Variants in ARHGAP8 observed in about 807,000 individuals in gnomAD.
The protein encoded by ARHGAP8 is rho GTPase-activating protein 8.
In ARHGAP8, 62 loss-of-function variants were observed where a neutral mutation model predicts 46.1. The observed-to-expected ratio is 1.34, with a 90% CI of 1.10 to 1.66. The LOEUF (loss-of-function observed/expected upper bound fraction) is 1.66, where lower values mean the gene tolerates loss of function less well. Among genes scored for constraint, ARHGAP8 ranks in the 40% most tolerant of loss-of-function variants. The pLI, the probability that ARHGAP8 is intolerant of heterozygous loss-of-function variation, is 0.00. For missense variants in ARHGAP8, 923 were observed against 568.4 expected (o/e 1.62, Z -6.34); for synonymous variants, 375 against 243.1 (o/e 1.54, Z -5.05).
intron 7 of ARHGAP8, among the ~76,000 whole-genome samples, chr22:44,843,604 G>A (rs959500536): frequency 3.3e-5 from 5 of 152,128 alleles, no homozygotes; most frequent in Admixed American, 6.6e-5. Flanking sequence ...CAAGGCAGGT[G>A]GATTGCTTGA....
intron 10 of ARHGAP8, among the ~76,000 whole-genome samples, chr22:44,859,304 T>C: frequency 6.6e-6 from 1 of 152,126 alleles, no homozygotes; most frequent in Non-Finnish European, 1.5e-5. Flanking sequence ...GGTGCTGTCC[T>C]CGAGATAGTG....
chr22:44,817,371 T>C (rs552008415), intron 5 of ARHGAP8, among the ~76,000 whole-genome samples: 1 of 152,356 alleles, frequency 6.6e-6, no homozygotes, highest in Admixed American at 6.5e-5. Flanking sequence ...TCTCACCTAC[T>C]GGCCTATGCC....
chr22:44,793,425 T>C (rs541051467), intron 2 of ARHGAP8, among the ~76,000 whole-genome samples: 1 of 152,274 alleles, frequency 6.6e-6, no homozygotes, highest in Non-Finnish European at 1.5e-5. Flanking sequence ...GTTCGGATCT[T>C]TTGGCACACA....
chr22:44,808,328 C>G lies in ARHGAP8; in HGVS notation c.189C>G (p.Asp63Glu), dbSNP rs1221603195. The change falls in exon 4 of 12, where the codon GAC becomes GAG. Residue 63 changes from aspartate to glutamate, a missense_variant. Coordinates refer to ENST00000356099, the MANE Select transcript of ARHGAP8 (RefSeq NM_181335.3). ...RLLEYLKYTL[D>E]QYVENDYTIV... ...CCAGGTATTTGAAGTACACACTGGA[C>G]CAATACGTTGAGAACGATTATACCA... 6.2e-7 allele frequency: 1 copy of G among 1,614,044 alleles called. No homozygotes were observed. The highest frequency in any genetic ancestry group is 1.3e-5 in the African/African-American group (1 of 74,940).
At chr22:44,799,278 C>T (rs2147074100) in intron 2 of ARHGAP8, among the ~76,000 whole-genome samples, 1 of 152,368 alleles carries the variant, frequency 6.6e-6, no homozygotes, top group South Asian at 2.1e-4. Context: ...GTACATTACC[C>T]CTCCTGGGCC....
intron 1 of ARHGAP8, among the ~76,000 whole-genome samples, chr22:44,778,342 A>G (rs915045675): frequency 1.3e-5 from 2 of 152,142 alleles, no homozygotes; most frequent in East Asian, 3.9e-4. Flanking sequence ...CCAAGTTGCT[A>G]TGAATGCCAT....
chr22:44,790,065 A>C (rs1042259968), intron 2 of ARHGAP8, among the ~76,000 whole-genome samples: 2 of 152,222 alleles, frequency 1.3e-5, no homozygotes, highest in African/African-American at 4.8e-5. Context: ...GAGGGTCAGC[A>C]GAGGAATTTG....
chr22:44,784,757 C>G (rs1927090639), intron 1 of ARHGAP8, among the ~76,000 whole-genome samples: 1 of 152,236 alleles, frequency 6.6e-6, no homozygotes, highest in Non-Finnish European at 1.5e-5. Context: ...GGATGTGGAC[C>G]TCACTGGGAG....
At chr22:44,790,212 G>A (rs1321817647) in intron 2 of ARHGAP8, among the ~76,000 whole-genome samples, 1 of 152,118 alleles carries the variant, frequency 6.6e-6, no homozygotes, top group Non-Finnish European at 1.5e-5. Context: ...CAAGAATAGA[G>A]GTTTGAGTTA....
chr22:44,811,791 T>G (rs1929352450), intron 4 of ARHGAP8, among the ~76,000 whole-genome samples: 1 of 151,964 alleles, frequency 6.6e-6, no homozygotes. Flanking sequence ...AGGTCAGGAT[T>G]TCGAGACCAG....
At chr22:44,817,553 C>T (rs1436791641) in intron 5 of ARHGAP8, among the ~76,000 whole-genome samples, 2 of 152,188 alleles carry the variant, frequency 1.3e-5, no homozygotes. Flanking sequence ...TCTGTAATCT[C>T]AGCACTTTGG....
chr22:44,848,656 A>G (rs2070020114), intron 9 of ARHGAP8, among the ~76,000 whole-genome samples: 1 of 152,200 alleles, frequency 6.6e-6, no homozygotes, highest in Admixed American at 6.5e-5. Flanking sequence ...GAGAGCTGGC[A>G]TTGTAGCCGG....
chr22:44,845,282 A>G lies in ARHGAP8; in HGVS notation c.610A>G (p.Asn204Asp). 1 of 1,614,096 alleles carries G rather than the reference A, an allele frequency of 6.2e-7. No homozygotes were observed. Among genetic ancestry groups the G allele is most frequent in the Non-Finnish European group, 8.5e-7 (1 of 1,180,026 alleles). Reference protein sequence around the residue: ...GVSLQYLKDKNQGELIPPVLR... With the variant: ...GVSLQYLKDKDQGELIPPVLR... ...CTGTTTTCTCAGCCTCAAAGACAAA[A>G]ATCAAGGCGAACTCATCCCCCCTGT... The change falls in exon 8 of 12, where the codon AAT (asparagine) becomes GAT (aspartate). Residue 204 changes from asparagine to aspartate, a missense_variant. Physicochemically the swap from Asn to Asp is conservative, Grantham distance 23. Coordinates refer to ENST00000356099, the MANE Select transcript of ARHGAP8 (RefSeq NM_181335.3).
chr22:44,786,347 T>C, intron 1 of ARHGAP8, 110 bp from the exon 2 acceptor site: 1 of 1,411,588 alleles, frequency 7.1e-7, no homozygotes. Context: ...GGGCGCGTAG[T>C]GGGTGTGCAG....
chr22:44,859,089 C>T (rs541835065), intron 10 of ARHGAP8, among the ~76,000 whole-genome samples: 2 of 152,154 alleles, frequency 1.3e-5, no homozygotes, highest in East Asian at 1.9e-4. Context: ...GTCTAGACCA[C>T]TCCCATTTAT....
intron 8 of ARHGAP8, among the ~76,000 whole-genome samples, chr22:44,846,506 C>G (rs909689977): frequency 4.6e-5 from 7 of 152,172 alleles, no homozygotes; most frequent in South Asian, 2.1e-4. Context: ...CCCTGCGGCC[C>G]CAGCATTTCC....
intron 1 of ARHGAP8, among the ~76,000 whole-genome samples, chr22:44,762,640 T>C (rs927017734): frequency 6.7e-6 from 1 of 148,984 alleles, no homozygotes; most frequent in African/African-American, 2.5e-5. Flanking sequence ...ACCTCTCGGG[T>C]TCAAGCGATT....
chr22:44,853,437 T>G (rs541630278), intron 10 of ARHGAP8, among the ~76,000 whole-genome samples: 5 of 152,320 alleles, frequency 3.3e-5, no homozygotes, highest in African/African-American at 1.2e-4. Context: ...CTGGAAATGT[T>G]AGCTTGGAGC....
At chr22:44,791,270 G>A (rs561608763) in intron 2 of ARHGAP8, among the ~76,000 whole-genome samples, 4 of 152,252 alleles carry the variant, frequency 2.6e-5, no homozygotes, top group East Asian at 1.9e-4. Flanking sequence ...TGCTCCTCCC[G>A]GGGAGTATAT....
Sources: allele counts gnomAD v4.1 joint callset (sites outside exome capture counted in the v4.1 genomes callset), GRCh38; gene constraint gnomAD v4.1.1; transcripts MANE v1.5; gene names NCBI Gene and HGNC (gene_info 2026-07-23, HGNC 2026-07-21).